The following NUP133 variants were observed in gnomAD, a reference collection of about 807,000 sequenced individuals.
The protein encoded by NUP133 is nucleoporin 133, also known as nuclear pore complex protein Nup133.
Under a neutral mutation model 146.2 loss-of-function variants are expected in NUP133, and 66 were observed. The ratio of observed to expected loss-of-function variants is 0.45; its 90% CI spans 0.37 to 0.55. The LOEUF (loss-of-function observed/expected upper bound fraction) is 0.55, where lower values mean the gene tolerates loss of function less well. Among genes scored for constraint, NUP133 ranks in the 20% least tolerant of loss-of-function variants. The pLI, the probability that NUP133 is intolerant of heterozygous loss-of-function variation, is 0.00. For missense variants in NUP133, 1,277 were observed against 1,374.8 expected (o/e 0.93, Z 1.12); for synonymous variants, 521 against 498.8 (o/e 1.04, Z -0.59).
intron 15 of NUP133, among the ~76,000 whole-genome samples, chr1:229,467,587 A>G (rs1660852891): frequency 1.3e-5 from 2 of 152,340 alleles, no homozygotes; most frequent in African/African-American, 4.8e-5. Context: ...CATTTAATTT[A>G]TAAGCTTAAG....
rs568718486 is a variant in NUP133 at position 229,500,771 on chromosome 1, T to C, written c.498A>G (p.Glu166=). The change falls in exon 4 of 26, where the codon GAA becomes GAG. Residue 166 remains glutamate (E), a synonymous_variant. Coordinates refer to ENST00000261396, the MANE Select transcript of NUP133 (RefSeq NM_018230.3). ...AGTCACCTACCTGAGTAGAATGTGC[T>C]TCACCTGAGGGAGAAGAGTAAGAAA... The part of the protein sequence containing the change: ...VALSYSSPSG[E]AHSTQAVAVM... The C allele has an allele frequency of 1.2e-6, 2 of 1,610,824 alleles. No homozygotes were observed. Among genetic ancestry groups the C allele is most frequent in the Non-Finnish European group, 1.7e-6 (2 of 1,177,610 alleles).
At chr1:229,453,592 G>C (rs1444084458) in intron 21 of NUP133, among the ~76,000 whole-genome samples, 1 of 152,222 alleles carries the variant, frequency 6.6e-6, no homozygotes, top group Non-Finnish European at 1.5e-5. Context: ...GAGATGATCA[G>C]AATCATTTTA....
At chr1:229,459,051 A>C (rs938367218) in intron 20 of NUP133, among the ~76,000 whole-genome samples, 1 of 152,212 alleles carries the variant, frequency 6.6e-6, no homozygotes, top group African/African-American at 2.4e-5. Flanking sequence ...ATATTTATGG[A>C]TACACAGTAA....
intron 14 of NUP133, among the ~76,000 whole-genome samples, chr1:229,474,595 A>C (rs1233922269): frequency 2.0e-5 from 3 of 152,178 alleles, no homozygotes; most frequent in Non-Finnish European, 4.4e-5. Flanking sequence ...CACAGTGGCT[A>C]TTTAAGTAAG....
intron 12 of NUP133, among the ~76,000 whole-genome samples, chr1:229,482,234 C>A (rs913479690): frequency 6.6e-6 from 1 of 152,098 alleles, no homozygotes; most frequent in Admixed American, 6.5e-5. Flanking sequence ...TGTAAAAGCA[C>A]TTTGGAATCT....
Position 229,484,371 on chromosome 1 carries a change from T to TA in NUP133, c.1501-227dup, listed in dbSNP as rs879256176. Among the ~76,000 whole-genome samples, 166 of 146,260 alleles carry TA rather than the reference T, an allele frequency of 1.1e-3. 1 individual carries two copies. The highest frequency in any genetic ancestry group is 4.3e-3 in the Admixed American group (63 of 14,594). Reference sequence around the variant, plus strand: ...CTAACATTAATGATAGCTGATGAGTTAAAAAAAAAAAAATTTATGTTTCAA... The same window carrying TA: ...CTAACATTAATGATAGCTGATGAGTTAAAAAAAAAAAAAATTTATGTTTCAA... On this transcript the variant is annotated intron_variant, in intron 11 of 25. Transcript: ENST00000261396.
At chr1:229,463,707 C>G (rs1466092759) in intron 18 of NUP133, 31 bp from the exon 19 acceptor site, 1 of 1,564,506 alleles carries the variant, frequency 6.4e-7, no homozygotes, top group Admixed American at 2.1e-5. Context: ...GGGAAAAAAT[C>G]CTGTTAGCAA....
In NUP133 at chr1:229,465,434, T is replaced by C. The variant is rs1660789946; in HGVS notation, c.2285A>G (p.Tyr762Cys). 1 of 1,609,180 alleles carries C rather than the reference T, an allele frequency of 6.2e-7. No individual in the cohort carries two copies. Among genetic ancestry groups the C allele is most frequent in the Non-Finnish European group, 8.5e-7 (1 of 1,175,608 alleles). Reference protein sequence around the residue: ...REESLEKEPEYVPWTATSGPG... With the variant: ...REESLEKEPECVPWTATSGPG... Reference sequence around the variant, plus strand: ...CAGTATATTACCCGTCCATGGAACATATTCAGGTTCTTTTTCTAGTGATTC... The same window carrying C: ...CAGTATATTACCCGTCCATGGAACACATTCAGGTTCTTTTTCTAGTGATTC... Residue 762 changes from tyrosine to cysteine, a missense_variant, in exon 17 of 26, where the codon TAT (tyrosine) becomes TGT (cysteine). By Grantham distance (194) the Tyr-to-Cys change is radical (BLOSUM62 -2). Transcript: ENST00000261396.
intron 24 of NUP133, among the ~76,000 whole-genome samples, chr1:229,447,583 G>T (rs1293163432): frequency 1.3e-5 from 2 of 151,816 alleles, no homozygotes; most frequent in African/African-American, 4.8e-5. Flanking sequence ...TTTCAGCCCT[G>T]TTCCTCAATA....
At position 229,508,341 on chromosome 1, in the gene NUP133, G is replaced by T; in HGVS notation, c.-92C>A. On this transcript the variant is annotated 5_prime_UTR_variant, in exon 1 of 26. Coordinates refer to ENST00000261396, the MANE Select transcript of NUP133 (RefSeq NM_018230.3). ...CGGAACTTAAACACCTAAGGGAAGAGATGGCGCGCGATGATGACGTCAAAC... is the reference window on the plus strand; with the variant it reads ...CGGAACTTAAACACCTAAGGGAAGATATGGCGCGCGATGATGACGTCAAAC... The T allele has an allele frequency of 1.1e-6, 1 of 941,528 alleles. No homozygotes were observed. 58.3% of individuals were successfully genotyped at this position (941,528 alleles called of 1,614,324 possible).
At position 229,499,259 on chromosome 1, in the gene NUP133, T is replaced by C. The variant is rs1469660248; in HGVS notation, c.648+425A>G. 7 of 470,832 alleles carry C rather than the reference T, an allele frequency of 1.5e-5. No homozygotes were observed. The Admixed American group carries it at 1.6e-4, about 11-fold the overall frequency. 29.2% of individuals were successfully genotyped at this position (470,832 alleles called of 1,614,324 possible). A position where few individuals can be genotyped will look rare whatever the true frequency, so the allele number is the denominator to read the frequency against. ...AATGCAAGCCATTCTTTATAGTGTC[T>C]GACAGTTTTTAAGCCAATCTTATAA... On this transcript the variant is annotated intron_variant, in intron 5 of 25. Transcript: ENST00000261396.
At chr1:229,501,675 C>CAA (rs985255031) in intron 3 of NUP133, among the ~76,000 whole-genome samples, 8 of 152,178 alleles carry the variant, frequency 5.3e-5, no homozygotes, top group Non-Finnish European at 1.0e-4. Flanking sequence ...TACGCAAACT[C>CAA]AAAGTTCATT....
rs542542123 is a variant in NUP133, at chr1:229,505,415, T to C, written c.301+625A>G. Among the ~76,000 whole-genome samples, 3 of 151,996 alleles carry C rather than the reference T, an allele frequency of 2.0e-5. No individual in the cohort carries two copies. In the East Asian group the frequency reaches 5.8e-4, roughly 29 times the overall value. ...TATAAGGTTTAGTACTATACAAGGT[T>C]TCAGGCATCCACTGGGGATCCTGGA... On this transcript the variant is annotated intron_variant, in intron 2 of 25. Coordinates refer to ENST00000261396, the MANE Select transcript of NUP133 (RefSeq NM_018230.3).
At chr1:229,500,654 T>C (rs1273851314) in intron 4 of NUP133, 102 bp downstream of exon 4, 2 of 643,112 alleles carry the variant, frequency 3.1e-6, no homozygotes, top group Non-Finnish European at 5.3e-6. Flanking sequence ...TTGATTTCTA[T>C]AGGTTTATAG....
At chr1:229,468,289 A>C (rs1660870366) in intron 15 of NUP133, among the ~76,000 whole-genome samples, 1 of 152,240 alleles carries the variant, frequency 6.6e-6, no homozygotes, top group African/African-American at 2.4e-5. Flanking sequence ...AATACTCCTT[A>C]GACAGGTAAC....
intron 21 of NUP133, among the ~76,000 whole-genome samples, chr1:229,453,047 T>C (rs904103653): frequency 1.2e-4 from 18 of 152,056 alleles, no homozygotes; most frequent in African/African-American, 4.3e-4. Context: ...AGTTGGCCCT[T>C]GAATAACAAG....
chr1:229,496,451 C>T (rs7553246), intron 6 of NUP133, among the ~76,000 whole-genome samples: 28,412 of 151,910 alleles, frequency 0.19, 2,868 homozygotes, highest in Middle Eastern at 0.25. Flanking sequence ...TCTAGCCTGG[C>T]GACAGAGTGA....
At chr1:229,507,580 C>G (rs945638077) in intron 1 of NUP133, among the ~76,000 whole-genome samples, 1 of 152,110 alleles carries the variant, frequency 6.6e-6, no homozygotes, top group East Asian at 1.9e-4. Context: ...AGCTAGAAAC[C>G]CTTTAATTAC....
intron 14 of NUP133, among the ~76,000 whole-genome samples, chr1:229,471,117 C>T (rs960945640): frequency 1.3e-4 from 20 of 152,232 alleles, no homozygotes; most frequent in African/African-American, 3.9e-4. Flanking sequence ...AGTCACACTG[C>T]TCTTTTCGTC....
Sources: allele counts gnomAD v4.1 joint callset (sites outside exome capture counted in the v4.1 genomes callset), GRCh38; gene constraint gnomAD v4.1.1; transcripts MANE v1.5; gene names NCBI Gene and HGNC (gene_info 2026-07-23, HGNC 2026-07-21).